The following AKAP9 variants were observed in gnomAD, a reference collection of about 807,000 sequenced individuals.
AKAP9 encodes A-kinase anchoring protein 9, also known as A-kinase anchor protein 9.
Under a neutral mutation model 488.5 loss-of-function variants are expected in AKAP9, and 311 were observed. That is an observed-to-expected ratio of 0.64 (90% CI 0.58 to 0.70). The LOEUF (loss-of-function observed/expected upper bound fraction) is 0.70. Ranked by LOEUF, AKAP9 falls within the 30% of genes least tolerant of loss-of-function variation. AKAP9 has a pLI of 0.00. For synonymous variants in AKAP9, 1,462 were observed against 1,483.5 expected (o/e 0.99, Z 0.33); for missense variants, 4,215 against 4,374.5 (o/e 0.96, Z 1.03).
At chr7:92,058,607 T>C (rs1278825417) in intron 22 of AKAP9, among the ~76,000 whole-genome samples, 1 of 152,086 alleles carries the variant, frequency 6.6e-6, no homozygotes, top group Non-Finnish European at 1.5e-5. Context: ...CAGAATGAGA[T>C]AATATTACAT....
Position 91,988,350 on chromosome 7 carries a change from CT to C in AKAP9, c.352-3806del, listed in dbSNP as rs1333314311. On this transcript the variant is annotated intron_variant, in intron 3 of 49. Coordinates refer to ENST00000356239, the MANE Select transcript of AKAP9 (RefSeq NM_005751.5). ...AGCTAGGTGATAGTGTGTGCCTGTA[CT>C]TCCAGCTGCTCAAGAGGCTGAAGTA... Among the ~76,000 whole-genome samples, 22 of 131,610 alleles carry C rather than the reference CT, an allele frequency of 1.7e-4. No homozygotes were observed. The East Asian group carries it at 5.7e-3, about 34-fold the overall frequency. The allele number at this position is 131,610 out of a possible 152,430, so 86.3% of individuals were successfully genotyped here.
chr7:92,097,431 G>A (rs1230751534), intron 41 of AKAP9, 74 bp downstream of exon 41: 5 of 1,558,574 alleles, frequency 3.2e-6, no homozygotes, highest in Non-Finnish European at 4.3e-6. Flanking sequence ...TTTTGATATT[G>A]GATTAAATTA....
chr7:92,024,368 C>T (rs1802776064), intron 14 of AKAP9, among the ~76,000 whole-genome samples: 1 of 151,102 alleles, frequency 6.6e-6, no homozygotes, highest in Non-Finnish European at 1.5e-5. Context: ...GCTGAATTTG[C>T]ACCACTGCAC....
chr7:92,018,435 C>CATAT (rs758248531), intron 12 of AKAP9, among the ~76,000 whole-genome samples: 2 of 140,976 alleles, frequency 1.4e-5, no homozygotes, highest in Non-Finnish European at 3.1e-5. Flanking sequence ...CACACACACA[C>CATAT]ACACACAGAG....
At chr7:92,043,607 A>T (rs922667056) in intron 20 of AKAP9, among the ~76,000 whole-genome samples, 2 of 152,146 alleles carry the variant, frequency 1.3e-5, no homozygotes, top group East Asian at 3.8e-4. Context: ...TTGGGGCTTA[A>T]ACAAAACCTC....
chr7:92,042,291 T>A, intron 19 of AKAP9, 105 bp downstream of exon 19: 1 of 1,473,550 alleles, frequency 6.8e-7, no homozygotes, highest in Admixed American at 1.7e-5. Flanking sequence ...GGTACTGAGC[T>A]TAACATATTT....
chr7:91,976,369 A>G (rs1366145696), intron 2 of AKAP9, among the ~76,000 whole-genome samples: 2 of 152,140 alleles, frequency 1.3e-5, no homozygotes, highest in South Asian at 2.1e-4. Flanking sequence ...CTACAGGCCC[A>G]TGCCACCACA....
In AKAP9 at chr7:92,099,859, GT is replaced by G; in HGVS notation, c.10887del (p.Arg3630GlufsTer9). 1 of 1,613,954 alleles carries G rather than the reference GT, an allele frequency of 6.2e-7. No homozygotes were observed. Among genetic ancestry groups the G allele is most frequent in the Non-Finnish European group, 8.5e-7 (1 of 1,179,896 alleles). On this transcript the variant is annotated frameshift_variant, in exon 44 of 50. Coordinates refer to ENST00000356239, the MANE Select transcript of AKAP9 (RefSeq NM_005751.5). LOFTEE classifies it high-confidence loss of function. ...QIRWYRQTGA[G>X]RDNSSRFSLN... is the part of the protein sequence containing the mutation. ...AGGTGGTATCGACAGACAGGAGCTG[GT>G]AGAGATAATGTATGTCCATTTTTAG...
At chr7:92,097,554 T>G in intron 41 of AKAP9, 32 bp from the exon 42 acceptor site, 1 of 1,600,106 alleles carries the variant, frequency 6.2e-7, no homozygotes, top group South Asian at 1.1e-5. Flanking sequence ...CACTTATAAT[T>G]ATTGTTTTCT....
Position 92,042,183 on chromosome 7 carries a change from A to G in AKAP9, c.5055A>G (p.Thr1685=). The change falls in exon 19 of 50, where the codon ACA becomes ACG. Residue 1685 remains threonine (T), a synonymous_variant. Coordinates refer to ENST00000356239, the MANE Select transcript of AKAP9 (RefSeq NM_005751.5). Reference sequence around the variant, plus strand: ...AGCTGCGCAACAGCAGTACGCAAACACAGGTAGTATGGACTTTGCCCCACC... The same window carrying G: ...AGCTGCGCAACAGCAGTACGCAAACGCAGGTAGTATGGACTTTGCCCCACC... ...CCELRNSSTQ[T]QNGNENQGEV... is the part of the protein sequence containing the mutation. The G allele has an allele frequency of 6.2e-7, 1 of 1,613,844 alleles. No individual in the cohort carries two copies. Among genetic ancestry groups the G allele is most frequent in the Non-Finnish European group, 8.5e-7 (1 of 1,179,786 alleles).
chr7:92,011,378 G>T (rs1320652304), intron 8 of AKAP9, among the ~76,000 whole-genome samples: 1 of 152,140 alleles, frequency 6.6e-6, no homozygotes, highest in African/African-American at 2.4e-5. Flanking sequence ...AGCATGTAAA[G>T]ACCTCACTAT....
At chr7:92,007,889 T>C (rs1294848535) in intron 8 of AKAP9, among the ~76,000 whole-genome samples, 7 of 152,228 alleles carry the variant, frequency 4.6e-5, no homozygotes, top group African/African-American at 1.7e-4. Flanking sequence ...TGTTTAGCCT[T>C]AAATATATTG....
chr7:91,973,634 T>G (rs1795338442), intron 1 of AKAP9, 77 bp from the exon 2 acceptor site: 1 of 1,480,638 alleles, frequency 6.8e-7, no homozygotes. Flanking sequence ...AAAGAGAGAC[T>G]CCCAAAGCTG....
Position 92,001,528 on chromosome 7 carries a change from G to T in AKAP9, c.1611G>T (p.Leu537Phe), listed in dbSNP as rs527397436. The T allele has an allele frequency of 1.7e-5, 28 of 1,613,848 alleles. No homozygotes were observed. In the South Asian group the frequency reaches 3.0e-4, roughly 17 times the overall value. Residue 537 changes from leucine to phenylalanine, a missense_variant, in exon 8 of 50, where the codon TTG (leucine) becomes TTT (phenylalanine). Around this residue, in one of 5 missense-constraint regions of AKAP9, gnomAD observed 2,361 missense variants for 2,430.0 expected, o/e 0.97. Coordinates refer to ENST00000356239, the MANE Select transcript of AKAP9 (RefSeq NM_005751.5). ...AGCTTGAAGACCTTGTTGAAGAATTGAGCTTTTCAAGGGAACAGATTCAGA... is the reference window on the plus strand; with the variant it reads ...AGCTTGAAGACCTTGTTGAAGAATTTAGCTTTTCAAGGGAACAGATTCAGA... Reference protein sequence around the residue: ...QRQLEDLVEELSFSREQIQRA... With the variant: ...QRQLEDLVEEFSFSREQIQRA...
chr7:92,108,778 A>C, intron 49 of AKAP9, 145 bp downstream of exon 49: 1 of 976,506 alleles, frequency 1.0e-6, no homozygotes, highest in Admixed American at 2.0e-5. Flanking sequence ...CAAAGCTTAA[A>C]CTCTTGTAAC....
rs1809856756 is a variant in AKAP9, at chr7:92,061,621, A to ATATATATAT, written c.5764+199_5764+200insTATATATAT. Among the ~76,000 whole-genome samples the ATATATATAT allele has an allele frequency of 1.5e-3, 138 of 93,792 alleles. 1 individual carries two copies. Among genetic ancestry groups the ATATATATAT allele is most frequent in the African/African-American group, 5.0e-3 (123 of 24,448 alleles). 61.5% of individuals were successfully genotyped at this position (93,792 alleles called of 152,430 possible). On this transcript the variant is annotated intron_variant, in intron 23 of 49. Transcript: ENST00000356239. ...ATATATATATATATATATATATATA[A>ATATATATAT]AATTATAAAAAGAATTTATAGAGTT...
At chr7:92,097,550 T>C (rs1033910909) in intron 41 of AKAP9, 36 bp from the exon 42 acceptor site, 3 of 1,595,288 alleles carry the variant, frequency 1.9e-6, no homozygotes, top group Non-Finnish European at 8.6e-7. Context: ...TGTTCACTTA[T>C]AATTATTGTT....
At position 91,980,315 on chromosome 7, in the gene AKAP9, A is replaced by G; in HGVS notation, c.333A>G (p.Ala111=). 6.3e-7 allele frequency: 1 copy of G among 1,582,322 alleles called. No homozygotes were observed. The highest frequency in any genetic ancestry group is 8.6e-7 in the Non-Finnish European group (1 of 1,156,786). Residue 111 remains alanine (A), a synonymous_variant, in exon 3 of 50, where the codon GCA becomes GCG. Coordinates refer to ENST00000356239, the MANE Select transcript of AKAP9 (RefSeq NM_005751.5). ...TGGAAAGTGAAATTTCAACCACAGC[A>G]GATGACTGCAGTTCAGAGGTAAGAC... is the stretch of plus-strand genomic sequence containing the variant. ...VELESEISTT[A]DDCSSEVNGC...
intron 14 of AKAP9, among the ~76,000 whole-genome samples, chr7:92,028,295 TAAAAAAAAAAAAAAA>T (rs57352733): frequency 6.1e-5 from 4 of 65,086 alleles, no homozygotes; most frequent in East Asian, 1.1e-3. Context: ...CAATAAATAC[TAAAAAAAAAAAAAAA>T]AAAAAAAAAA....
Sources: gnomAD v4.1 joint callset for allele counts (sites outside exome capture counted in the v4.1 genomes callset) on GRCh38, gnomAD v4.1.1 for gene constraint, gnomAD v4.1.1 regional missense constraint, MANE v1.5 for transcripts, NCBI Gene and HGNC (gene_info 2026-07-23, HGNC 2026-07-21) for gene names.